Variants in POU2AF2 observed in about 807,000 individuals in gnomAD.
POU2AF2 encodes the protein POU domain class 2-associating factor 2.
At chr11:111,276,210 G>A in the POU2AF2 span, among the ~76,000 whole-genome samples, 5 of 151,986 alleles carry the variant, frequency 3.3e-5, no homozygotes, top group Admixed American at 2.6e-4. Flanking sequence ...TAGATAAAAT[G>A]AGGTGAACTT....
chr11:111,284,011 T>A, the POU2AF2 span: 2 of 1,472,878 alleles, frequency 1.4e-6, no homozygotes, highest in African/African-American at 2.8e-5. Flanking sequence ...GAGACTCAGC[T>A]GCAACCGAGG....
At chr11:111,285,957 A>C in the POU2AF2 span, 1 of 1,614,012 alleles carries the variant, frequency 6.2e-7, no homozygotes, top group Non-Finnish European at 8.5e-7. Flanking sequence ...TCCCCAGATG[A>C]GGAAGCAGAC....
the POU2AF2 span, among the ~76,000 whole-genome samples, chr11:111,282,341 T>C: frequency 6.6e-6 from 1 of 152,218 alleles, no homozygotes; most frequent in Non-Finnish European, 1.5e-5. Context: ...ATATTAAGGT[T>C]CAGCTGCACA....
the POU2AF2 span, among the ~76,000 whole-genome samples, chr11:111,265,559 G>A: frequency 1.3e-5 from 2 of 152,174 alleles, no homozygotes; most frequent in African/African-American, 2.4e-5. Context: ...GGAAGGTGTT[G>A]TGAAAGTGAA....
chr11:111,264,576 G>GAAAGAA, the POU2AF2 span, among the ~76,000 whole-genome samples: 1 of 24,656 alleles, frequency 4.1e-5, no homozygotes, highest in African/African-American at 1.5e-4. Flanking sequence ...AAGAAAGAAA[G>GAAAGAA]GGAGAGAGAA....
At chr11:111,274,272 G>C in the POU2AF2 span, among the ~76,000 whole-genome samples, 3 of 152,102 alleles carry the variant, frequency 2.0e-5, no homozygotes, top group Non-Finnish European at 4.4e-5. Flanking sequence ...ACCAACTGAA[G>C]AGGTCCATTA....
chr11:111,274,148 G>A, the POU2AF2 span, among the ~76,000 whole-genome samples: 4 of 152,056 alleles, frequency 2.6e-5, no homozygotes, highest in Non-Finnish European at 5.9e-5. Context: ...TTTCTCTCCT[G>A]ACCCGTGAAA....
chr11:111,250,887 C>T, the POU2AF2 span, among the ~76,000 whole-genome samples: 1 of 152,138 alleles, frequency 6.6e-6, no homozygotes, highest in African/African-American at 2.4e-5. Context: ...ACTTCAGAAA[C>T]GCTGGGGTAC....
chr11:111,277,170 A>G, the POU2AF2 span, among the ~76,000 whole-genome samples: 3 of 152,232 alleles, frequency 2.0e-5, no homozygotes, highest in Non-Finnish European at 4.4e-5. Flanking sequence ...TGTTAAATAT[A>G]CATGGTAAAA....
At chr11:111,276,641 CAA>C in the POU2AF2 span, among the ~76,000 whole-genome samples, 1,436 of 100,748 alleles carry the variant, frequency 0.014, 13 homozygotes, top group Non-Finnish European at 0.018. Flanking sequence ...GATTCCATCA[CAA>C]AAAAAAAAAG....
At chr11:111,280,057 A>AAAATATATATATAT in the POU2AF2 span, among the ~76,000 whole-genome samples, 112 of 76,454 alleles carry the variant, frequency 1.5e-3, no homozygotes, top group Non-Finnish European at 2.4e-3. Flanking sequence ...AAAAAAAAAA[A>AAAATATATATATAT]ATATATATAT....
At chr11:111,277,468 C>T in the POU2AF2 span, among the ~76,000 whole-genome samples, 3 of 152,306 alleles carry the variant, frequency 2.0e-5, no homozygotes, top group East Asian at 5.8e-4. Context: ...GACAGAAAAA[C>T]TTTTAGAGCA....
the POU2AF2 span, among the ~76,000 whole-genome samples, chr11:111,257,853 C>T: frequency 2.0e-5 from 3 of 152,208 alleles, no homozygotes; most frequent in Non-Finnish European, 4.4e-5. Context: ...CACAGTATCT[C>T]ATGACTGTAA....
chr11:111,284,053 A>T, the POU2AF2 span: 3 of 1,603,482 alleles, frequency 1.9e-6, no homozygotes, highest in Non-Finnish European at 2.6e-6. Flanking sequence ...TTTTCTGCCC[A>T]TGTGTTTTTC....
the POU2AF2 span, among the ~76,000 whole-genome samples, chr11:111,264,574 A>G: frequency 0.014 from 344 of 24,524 alleles, 36 homozygotes; most frequent in African/African-American, 0.067. Flanking sequence ...GAAAGAAAGA[A>G]AGGGAGAGAG....
chr11:111,273,881 T>G, the POU2AF2 span, among the ~76,000 whole-genome samples: 1 of 152,236 alleles, frequency 6.6e-6, no homozygotes, highest in South Asian at 2.1e-4. Flanking sequence ...CATTCAAATA[T>G]AAACCTCTAA....
chr11:111,260,452 C>A, the POU2AF2 span, among the ~76,000 whole-genome samples: 1 of 152,146 alleles, frequency 6.6e-6, no homozygotes, highest in African/African-American at 2.4e-5. Flanking sequence ...CCTTACCTGG[C>A]ATTATTTAGG....
the POU2AF2 span, among the ~76,000 whole-genome samples, chr11:111,282,479 T>G: frequency 5.3e-5 from 8 of 152,226 alleles, no homozygotes; most frequent in Admixed American, 2.0e-4. Context: ...CAGGTTTTGA[T>G]GGGGAATTTT....
the POU2AF2 span, among the ~76,000 whole-genome samples, chr11:111,256,699 G>C: frequency 6.6e-6 from 1 of 152,186 alleles, no homozygotes; most frequent in Admixed American, 6.5e-5. Flanking sequence ...GCCAGCAGGC[G>C]CGCCAGGAGC....
Sources: gnomAD v4.1 joint callset for allele counts (sites outside exome capture counted in the v4.1 genomes callset) on GRCh38, gnomAD v4.1.1 for gene constraint, MANE v1.5 for transcripts, NCBI Gene and HGNC (gene_info 2026-07-23, HGNC 2026-07-21) for gene names.